SCFD1: variants seen among roughly 807,000 people sequenced by gnomAD.
The protein encoded by SCFD1 is sec1 family domain-containing protein 1.
In SCFD1, 37 loss-of-function variants were observed where a neutral mutation model predicts 103.2. The ratio of observed to expected loss-of-function variants is 0.36; its 90% CI spans 0.28 to 0.47. The LOEUF (loss-of-function observed/expected upper bound fraction) is 0.47, where lower values mean the gene tolerates loss of function less well. Ranked by LOEUF, SCFD1 falls within the 20% of genes least tolerant of loss-of-function variation. The pLI is 1.00. For synonymous variants in SCFD1, 264 were observed against 245.0 expected (o/e 1.08, Z -0.73); for missense variants, 639 against 761.2 (o/e 0.84, Z 1.89).
At position 30,644,354 on chromosome 14, in the gene SCFD1, G is replaced by A. The variant is rs536834253; in HGVS notation, c.613+949G>A. Among the ~76,000 whole-genome samples, 13 of 152,224 alleles carry A rather than the reference G, an allele frequency of 8.5e-5. No homozygotes were observed. In the East Asian group the frequency reaches 2.5e-3, roughly 29 times the overall value. ...TCGTAGAATGAGTTATATTCTTTTG[G>A]CTGTATACCCAGTAATGGGATTGCT... On this transcript the variant is annotated intron_variant, in intron 7 of 24. Coordinates refer to ENST00000458591, the MANE Select transcript of SCFD1 (RefSeq NM_016106.4).
chr14:30,701,108 C>G (rs762322667), intron 16 of SCFD1, among the ~76,000 whole-genome samples: 4 of 152,152 alleles, frequency 2.6e-5, no homozygotes, highest in African/African-American at 9.7e-5. Context: ...AAGCTCCATT[C>G]CTTTGCTGGT....
At chr14:30,727,963 T>C (rs961324095) in intron 23 of SCFD1, among the ~76,000 whole-genome samples, 2 of 152,238 alleles carry the variant, frequency 1.3e-5, no homozygotes, top group Non-Finnish European at 2.9e-5. Context: ...CCATCATTCC[T>C]CAGACAGTTA....
chr14:30,672,671 A>G (rs1290907677), intron 11 of SCFD1, among the ~76,000 whole-genome samples: 5 of 152,194 alleles, frequency 3.3e-5, no homozygotes, highest in Admixed American at 6.5e-5. Context: ...CCTAAAGTCT[A>G]TGTAAGTTAC....
At chr14:30,703,575 AT>A (rs1318902792) in intron 17 of SCFD1, among the ~76,000 whole-genome samples, 2 of 151,030 alleles carry the variant, frequency 1.3e-5, no homozygotes, top group Non-Finnish European at 3.0e-5. Context: ...AAAATAATTA[AT>A]TTTTTAAGAC....
chr14:30,694,979 A>G, intron 15 of SCFD1, 110 bp downstream of exon 15: 1 of 1,478,886 alleles, frequency 6.8e-7, no homozygotes, highest in South Asian at 1.4e-5. Context: ...GTCAATGCTA[A>G]TATCAAGATA....
Position 30,650,651 on chromosome 14 carries a change from G to A in SCFD1, c.755+1G>A. Reference sequence around the variant, plus strand: ...ATACACTTGGAGCTGGCCAATTCAGGTATTACTGTTATTAAATACACTTGT... The same window carrying A: ...ATACACTTGGAGCTGGCCAATTCAGATATTACTGTTATTAAATACACTTGT... On this transcript the variant is annotated splice_donor_variant, in intron 9 of 24. Transcript: ENST00000458591. LOFTEE classifies it high-confidence loss of function. 1 of 1,540,056 alleles carries A rather than the reference G, an allele frequency of 6.5e-7. No homozygotes were observed. Among genetic ancestry groups the A allele is most frequent in the Non-Finnish European group, 9.0e-7 (1 of 1,116,524 alleles).
At chr14:30,708,581 A>G (rs1222191658) in intron 19 of SCFD1, among the ~76,000 whole-genome samples, 1 of 152,158 alleles carries the variant, frequency 6.6e-6, no homozygotes, top group Non-Finnish European at 1.5e-5. Context: ...TTTGATTTGT[A>G]TTTACCATCA....
At chr14:30,719,427 T>G in intron 21 of SCFD1, 50 bp downstream of exon 21, 1 of 1,378,816 alleles carries the variant, frequency 7.3e-7, no homozygotes, top group Non-Finnish European at 1.0e-6. Context: ...CCCTCGAGAA[T>G]GGAAATAATT....
chr14:30,726,984 T>G (rs1594772330), intron 23 of SCFD1, among the ~76,000 whole-genome samples: 2 of 152,188 alleles, frequency 1.3e-5, no homozygotes, highest in African/African-American at 4.8e-5. Context: ...TCCAAAATCT[T>G]TCAGGAACCT....
At chr14:30,639,981 T>C (rs1053520583) in intron 6 of SCFD1, 117 bp downstream of exon 6, 1 of 1,183,198 alleles carries the variant, frequency 8.5e-7, no homozygotes, top group African/African-American at 1.6e-5. Context: ...GCAGTAGAGC[T>C]ATAGAAGCTT....
At chr14:30,668,483 G>A (rs1351660109) in intron 10 of SCFD1, among the ~76,000 whole-genome samples, 1 of 152,122 alleles carries the variant, frequency 6.6e-6, no homozygotes, top group African/African-American at 2.4e-5. Flanking sequence ...CAGGACATAG[G>A]CATGGGCAAG....
At chr14:30,708,102 TAAAC>T in intron 19 of SCFD1, 37 bp downstream of exon 19, 4 of 1,354,720 alleles carry the variant, frequency 3.0e-6, no homozygotes, top group East Asian at 2.3e-5. Context: ...TGGTAACTTT[TAAAC>T]ATAAATGTTG....
intron 14 of SCFD1, among the ~76,000 whole-genome samples, chr14:30,684,386 T>C (rs1477998885): frequency 6.6e-6 from 1 of 152,240 alleles, no homozygotes; most frequent in Non-Finnish European, 1.5e-5. Flanking sequence ...AGTGCTCCCT[T>C]TGTTCTTTCC....
chr14:30,708,726 C>T (rs1361795161), intron 19 of SCFD1, among the ~76,000 whole-genome samples: 1 of 151,858 alleles, frequency 6.6e-6, no homozygotes, highest in African/African-American at 2.4e-5. Flanking sequence ...TATCTAAAGT[C>T]CTATGTAAAT....
intron 13 of SCFD1, among the ~76,000 whole-genome samples, chr14:30,674,486 AT>A (rs1481728339): frequency 6.6e-6 from 1 of 152,122 alleles, no homozygotes; most frequent in East Asian, 1.9e-4. Context: ...ACTTAAAAAA[AT>A]AAATAAATAA....
chr14:30,654,162 T>C (rs1886668429), intron 10 of SCFD1, among the ~76,000 whole-genome samples: 1 of 152,114 alleles, frequency 6.6e-6, no homozygotes, highest in African/African-American at 2.4e-5. Flanking sequence ...TCAAAGACAA[T>C]GGAAAGAAAA....
chr14:30,672,014 T>TAAA (rs567181542), intron 11 of SCFD1, among the ~76,000 whole-genome samples: 3 of 136,210 alleles, frequency 2.2e-5, no homozygotes, highest in Admixed American at 7.4e-5. Context: ...AACTCCATCT[T>TAAA]AAAAAAAAAA....
Position 30,661,280 on chromosome 14 carries a change from G to C in SCFD1, c.855+7692G>C, listed in dbSNP as rs569025383. Among the ~76,000 whole-genome samples, 4 of 152,262 alleles carry C rather than the reference G, an allele frequency of 2.6e-5. No homozygotes were observed. In the South Asian group the frequency reaches 8.3e-4, roughly 32 times the overall value. ...CTACTCGAGTTTCGTTTGAGAGACT[G>C]ATTTGTGTGAACCAAAGAAACCAGA... On this transcript the variant is annotated intron_variant, in intron 10 of 24. Transcript: ENST00000458591.
rs988959644 is a variant in SCFD1, at chr14:30,628,153, G to A, written c.62-56G>A. ...TTTGGGGTAGTGAATGATGATGGAG[G>A]AAAAATAAAATCCTAAAAAACAATG... On this transcript the variant is annotated intron_variant, in intron 1 of 24. Coordinates refer to ENST00000458591, the MANE Select transcript of SCFD1 (RefSeq NM_016106.4). 2.8e-5 allele frequency: 37 copies of A among 1,344,042 alleles called. No individual in the cohort carries two copies. In the Admixed American group the frequency reaches 6.9e-4, roughly 25 times the overall value. 83.3% of individuals were successfully genotyped at this position (1,344,042 alleles called of 1,614,324 possible).
Sources: allele counts gnomAD v4.1 joint callset (sites outside exome capture counted in the v4.1 genomes callset), GRCh38; gene constraint gnomAD v4.1.1; transcripts MANE v1.5; gene names NCBI Gene and HGNC (gene_info 2026-07-23, HGNC 2026-07-21).